Variants in DNAJC1 observed in about 807,000 individuals in gnomAD.
DNAJC1 encodes dnaJ homolog subfamily C member 1.
DNAJC1 carries 58 observed loss-of-function variants against 76.6 expected under a neutral mutation model. The ratio of observed to expected loss-of-function variants is 0.76; its 90% confidence interval spans 0.61 to 0.94. The LOEUF (loss-of-function observed/expected upper bound fraction) is 0.94. Among genes scored for constraint, DNAJC1 ranks in the 40% least tolerant of loss-of-function variants. The probability of loss-of-function intolerance (pLI) is 0.00; values close to 1 mark genes in which losing one functional copy is unlikely to be tolerated. For missense variants in DNAJC1, 689 were observed against 677.3 expected (o/e 1.02, Z -0.19); for synonymous variants, 258 against 267.9 (o/e 0.96, Z 0.36).
intron 8 of DNAJC1, among the ~76,000 whole-genome samples, chr10:21,867,336 T>C (rs1024345197): frequency 3.4e-4 from 52 of 152,232 alleles, no homozygotes; most frequent in African/African-American, 1.2e-3. Flanking sequence ...AGCCTACAGA[T>C]GTGTGCTGTC....
intron 10 of DNAJC1, among the ~76,000 whole-genome samples, chr10:21,765,357 C>T (rs540658473): frequency 5.9e-5 from 9 of 152,138 alleles, no homozygotes; most frequent in Non-Finnish European, 4.4e-5. Context: ...TGTGCCACCA[C>T]GCCCGGCTGG....
At chr10:21,984,634 G>A (rs560828091) in intron 1 of DNAJC1, among the ~76,000 whole-genome samples, 67 of 152,248 alleles carry the variant, frequency 4.4e-4, no homozygotes, top group African/African-American at 9.4e-4. Flanking sequence ...GAATGGATAG[G>A]TGATTAGTCT....
chr10:21,817,297 GT>G (rs1835092430), intron 8 of DNAJC1, among the ~76,000 whole-genome samples: 1 of 151,768 alleles, frequency 6.6e-6, no homozygotes, highest in African/African-American at 2.4e-5. Context: ...CATCACAGCA[GT>G]TTTTGTAATA....
rs2131734934 is a variant in DNAJC1, at chr10:21,895,018, C to T, written c.820+9504G>A. On this transcript the variant is annotated intron_variant, in intron 7 of 11. Transcript: ENST00000376980. The stretch of plus-strand genomic sequence containing the variant: ...ATAAATTTCTGTTGATCATAAATTA[C>T]CCAGTCTCAGTTATTTTGTATAGCA... 3.3e-5 allele frequency among the ~76,000 whole-genome samples: 5 copies of T among 152,260 alleles called. No individual in the cohort carries two copies. The South Asian group carries it at 1.0e-3, about 32-fold the overall frequency.
intron 9 of DNAJC1, among the ~76,000 whole-genome samples, chr10:21,783,464 T>C (rs1427771570): frequency 6.6e-6 from 1 of 152,146 alleles, no homozygotes; most frequent in Non-Finnish European, 1.5e-5. Context: ...ATCGTGACAA[T>C]GGCCATACTA....
At chr10:21,886,101 G>A (rs1275971855) in intron 7 of DNAJC1, among the ~76,000 whole-genome samples, 1 of 151,804 alleles carries the variant, frequency 6.6e-6, no homozygotes, top group Non-Finnish European at 1.5e-5. Flanking sequence ...TAGGCTAATA[G>A]AGAGAAAACC....
chr10:21,781,808 T>C (rs957012084), intron 9 of DNAJC1, among the ~76,000 whole-genome samples: 4 of 146,342 alleles, frequency 2.7e-5, no homozygotes, highest in Non-Finnish European at 4.5e-5. Context: ...ACTGGGTACA[T>C]AACGAAATGA....
intron 10 of DNAJC1, among the ~76,000 whole-genome samples, chr10:21,761,950 C>T (rs1834246106): frequency 6.6e-6 from 1 of 152,116 alleles, no homozygotes; most frequent in Non-Finnish European, 1.5e-5. Flanking sequence ...ACTCTTTCAC[C>T]AGGCTGGAGT....
chr10:21,837,831 G>A (rs1180638146), intron 8 of DNAJC1, among the ~76,000 whole-genome samples: 1 of 141,334 alleles, frequency 7.1e-6, no homozygotes, highest in Non-Finnish European at 1.6e-5. Flanking sequence ...GAGGTGGGGG[G>A]CAGCCCCCGC....
intron 9 of DNAJC1, among the ~76,000 whole-genome samples, chr10:21,790,413 G>C (rs1834669884): frequency 6.7e-6 from 1 of 149,710 alleles, no homozygotes; most frequent in South Asian, 2.1e-4. Flanking sequence ...AATGGCAAGA[G>C]AAAAATGTCA....
At chr10:21,993,745 A>C (rs1590084386) in intron 1 of DNAJC1, among the ~76,000 whole-genome samples, 1 of 152,118 alleles carries the variant, frequency 6.6e-6, no homozygotes, top group African/African-American at 2.4e-5. Flanking sequence ...ACTCGGTTTT[A>C]ACTTGCTTTA....
intron 5 of DNAJC1, among the ~76,000 whole-genome samples, chr10:21,919,435 C>T (rs1837004447): frequency 6.6e-6 from 1 of 151,914 alleles, no homozygotes; most frequent in Non-Finnish European, 1.5e-5. Flanking sequence ...CTATTTAAAC[C>T]CTTTATTCCT....
intron 1 of DNAJC1, 51 bp from the exon 2 acceptor site, chr10:21,929,192 A>C (rs747049212): frequency 7.9e-7 from 1 of 1,271,446 alleles, no homozygotes; most frequent in South Asian, 1.3e-5. Context: ...TGTCAGAAAA[A>C]GAAATTCCCA....
chr10:21,766,406 T>C (rs1834300477), intron 9 of DNAJC1, 97 bp from the exon 10 acceptor site: 1 of 908,376 alleles, frequency 1.1e-6, no homozygotes, highest in African/African-American at 1.6e-5. Context: ...ATGAACACAG[T>C]TCATTGGATC....
chr10:21,842,479 T>C lies in DNAJC1; in HGVS notation c.979-36380A>G, dbSNP rs998932138. Among the ~76,000 whole-genome samples, 4 of 152,220 alleles carry C rather than the reference T, an allele frequency of 2.6e-5. No individual in the cohort carries two copies. The South Asian group carries it at 6.2e-4, about 24-fold the overall frequency. ...GTATATAATTCTGAGTCTATGGTATTGTCAGAATAAGTTACAAGTACAGAT... is the reference window on the plus strand; with the variant it reads ...GTATATAATTCTGAGTCTATGGTATCGTCAGAATAAGTTACAAGTACAGAT... On this transcript the variant is annotated intron_variant, in intron 8 of 11. Coordinates refer to ENST00000376980, the MANE Select transcript of DNAJC1 (RefSeq NM_022365.4).
At chr10:21,773,528 C>T (rs1308938649) in intron 9 of DNAJC1, among the ~76,000 whole-genome samples, 1 of 152,004 alleles carries the variant, frequency 6.6e-6, no homozygotes, top group Non-Finnish European at 1.5e-5. Flanking sequence ...AACTTATTGA[C>T]GTTTGTTGAT....
At chr10:21,938,307 A>G (rs1476476088) in intron 1 of DNAJC1, among the ~76,000 whole-genome samples, 1 of 152,112 alleles carries the variant, frequency 6.6e-6, no homozygotes, top group Non-Finnish European at 1.5e-5. Context: ...ATGTGGTAAA[A>G]GCAGTGCTCA....
intron 8 of DNAJC1, among the ~76,000 whole-genome samples, chr10:21,856,062 C>G (rs1204570803): frequency 1.3e-5 from 2 of 152,066 alleles, no homozygotes; most frequent in African/African-American, 4.8e-5. Context: ...GAGATAGTTA[C>G]AGAGACTGAG....
intron 8 of DNAJC1, among the ~76,000 whole-genome samples, chr10:21,870,796 AAAAG>A (rs1431765834): frequency 2.6e-5 from 4 of 152,120 alleles, no homozygotes; most frequent in South Asian, 4.1e-4. Flanking sequence ...AGAAAGAGAG[AAAAG>A]AAAGAAAGAA....
Sources: gnomAD v4.1 joint callset for allele counts (sites outside exome capture counted in the v4.1 genomes callset) on GRCh38, gnomAD v4.1.1 for gene constraint, MANE v1.5 for transcripts, NCBI Gene and HGNC (gene_info 2026-07-23, HGNC 2026-07-21) for gene names.